The following NRG3 variants were observed in gnomAD, a reference collection of about 807,000 sequenced individuals.
NRG3 encodes the protein pro-neuregulin-3, membrane-bound isoform.
In NRG3, 31 loss-of-function variants were observed where a neutral mutation model predicts 66.9. The observed-to-expected ratio is 0.46, with a 90% CI of 0.35 to 0.63. The LOEUF (loss-of-function observed/expected upper bound fraction) is 0.63. Ranked by LOEUF, NRG3 falls within the 20% of genes least tolerant of loss-of-function variation. The pLI is 0.00. For missense variants in NRG3, 910 were observed against 878.9 expected, an observed-to-expected ratio of 1.04 and a Z score of -0.45; for synonymous variants, 393 against 359.4, an observed-to-expected ratio of 1.09 and a Z score of -1.06.
intron 1 of NRG3, among the ~76,000 whole-genome samples, chr10:82,033,317 C>T (rs1433239173): frequency 2.0e-5 from 3 of 152,094 alleles, no homozygotes; most frequent in Non-Finnish European, 4.4e-5. Flanking sequence ...CTGAATAACA[C>T]ATTTTTCCCC....
chr10:82,800,547 A>G (rs2060993849), intron 3 of NRG3, among the ~76,000 whole-genome samples: 1 of 152,164 alleles, frequency 6.6e-6, no homozygotes, highest in African/African-American at 2.4e-5. Context: ...TGCATATTAC[A>G]TGTTAATGAT....
intron 1 of NRG3, among the ~76,000 whole-genome samples, chr10:82,075,494 C>T (rs1463593849): frequency 6.6e-6 from 1 of 152,060 alleles, no homozygotes; most frequent in African/African-American, 2.4e-5. Flanking sequence ...TTCTGTGAAT[C>T]TCATGGTCAG....
chr10:81,933,133 A>C (rs1290461447), intron 1 of NRG3, among the ~76,000 whole-genome samples: 1 of 151,974 alleles, frequency 6.6e-6, no homozygotes, highest in South Asian at 2.1e-4. Context: ...AAAGAAAAGA[A>C]AAAAAGAAAT....
chr10:82,124,893 T>C (rs2068332649), intron 1 of NRG3, among the ~76,000 whole-genome samples: 1 of 151,966 alleles, frequency 6.6e-6, no homozygotes, highest in African/African-American at 2.4e-5. Flanking sequence ...GGCCCGATTG[T>C]CAGCTTCTCA....
At chr10:82,516,910 C>A (rs1845710926) in intron 2 of NRG3, among the ~76,000 whole-genome samples, 1 of 152,122 alleles carries the variant, frequency 6.6e-6, no homozygotes, top group Non-Finnish European at 1.5e-5. Flanking sequence ...CATTACTGAA[C>A]CCAGTTTTAT....
intron 1 of NRG3, among the ~76,000 whole-genome samples, chr10:82,035,138 C>A (rs931164853): frequency 6.6e-6 from 1 of 152,076 alleles, no homozygotes; most frequent in Non-Finnish European, 1.5e-5. Context: ...ACTCGCCCAG[C>A]ATGCCTTCCA....
chr10:82,540,040 G>A (rs759696082), intron 2 of NRG3, among the ~76,000 whole-genome samples: 1 of 151,422 alleles, frequency 6.6e-6, no homozygotes, highest in Admixed American at 6.6e-5. Flanking sequence ...CATTTATTTT[G>A]CTCTTACTCC....
chr10:82,895,006 T>C (rs1325488536), intron 4 of NRG3, among the ~76,000 whole-genome samples: 1 of 152,186 alleles, frequency 6.6e-6, no homozygotes, highest in Non-Finnish European at 1.5e-5. Context: ...TGGTTTTCTG[T>C]TCTTGTGTTA....
At chr10:82,078,256 A>G (rs942506943) in intron 1 of NRG3, among the ~76,000 whole-genome samples, 5 of 152,184 alleles carry the variant, frequency 3.3e-5, no homozygotes, top group South Asian at 4.1e-4. Flanking sequence ...AGTTTTCCTC[A>G]GAGTAGGAAA....
chr10:81,958,794 C>T (rs1259783120), intron 1 of NRG3, among the ~76,000 whole-genome samples: 1 of 152,016 alleles, frequency 6.6e-6, no homozygotes, highest in Non-Finnish European at 1.5e-5. Context: ...GAGGCTGAGG[C>T]AGGAGAAGCA....
intron 1 of NRG3, among the ~76,000 whole-genome samples, chr10:82,097,414 ATATAT>A (rs2066416637): frequency 1.1e-5 from 1 of 89,034 alleles, no homozygotes; most frequent in Non-Finnish European, 2.2e-5. Flanking sequence ...ATACATATAT[ATATAT>A]CTGTAATATA....
At chr10:82,805,521 T>C (rs2061241252) in intron 3 of NRG3, among the ~76,000 whole-genome samples, 1 of 152,114 alleles carries the variant, frequency 6.6e-6, no homozygotes, top group Admixed American at 6.6e-5. Flanking sequence ...CCAGACCCTG[T>C]TTAAATCTTT....
chr10:82,093,742 A>C (rs1358130647), intron 1 of NRG3, among the ~76,000 whole-genome samples: 1 of 152,194 alleles, frequency 6.6e-6, no homozygotes, highest in Non-Finnish European at 1.5e-5. Flanking sequence ...ATTTCAATAG[A>C]ACATTTTAAT....
At chr10:82,939,984 A>C (rs1848450924) in intron 4 of NRG3, among the ~76,000 whole-genome samples, 1 of 151,936 alleles carries the variant, frequency 6.6e-6, no homozygotes, top group Non-Finnish European at 1.5e-5. Flanking sequence ...GTGAGGCCCT[A>C]GTGCACAGCC....
intron 3 of NRG3, among the ~76,000 whole-genome samples, chr10:82,841,866 A>C (rs1475012113): frequency 6.6e-6 from 1 of 152,182 alleles, no homozygotes; most frequent in East Asian, 1.9e-4. Context: ...ACCCAACAAA[A>C]GTTTATTTCT....
chr10:82,449,795 T>G (rs955003611), intron 2 of NRG3, among the ~76,000 whole-genome samples: 4 of 152,170 alleles, frequency 2.6e-5, no homozygotes, highest in Non-Finnish European at 5.9e-5. Context: ...ATATACGTTT[T>G]TTTGAGCAAC....
intron 1 of NRG3, among the ~76,000 whole-genome samples, chr10:82,301,240 A>G (rs993425569): frequency 6.6e-6 from 1 of 152,176 alleles, no homozygotes; most frequent in African/African-American, 2.4e-5. Context: ...CCCTGGCACT[A>G]TAATTTCCAT....
intron 2 of NRG3, among the ~76,000 whole-genome samples, chr10:82,605,288 T>C (rs1487722979): frequency 6.6e-6 from 1 of 152,060 alleles, no homozygotes; most frequent in Non-Finnish European, 1.5e-5. Context: ...ATTCATGATG[T>C]TGAATAGTGT....
At chr10:82,734,240 A>G (rs17100625) in intron 2 of NRG3, among the ~76,000 whole-genome samples, 13,648 of 152,210 alleles carry the variant, frequency 0.09, 763 homozygotes, top group East Asian at 0.2. Flanking sequence ...ACAATGTAGA[A>G]GAGGAAAACA....
Sources: gnomAD v4.1 joint callset for allele counts (sites outside exome capture counted in the v4.1 genomes callset) on GRCh38, gnomAD v4.1.1 for gene constraint, MANE v1.5 for transcripts, NCBI Gene and HGNC (gene_info 2026-07-23, HGNC 2026-07-21) for gene names.